TCF4: variants seen among roughly 807,000 people sequenced by gnomAD.
TCF4 encodes SL3-3 enhancer factor 2.
TCF4 carries 3 observed loss-of-function variants against 82.1 expected under a neutral mutation model. The ratio of observed to expected loss-of-function variants is 0.04; its 90% CI spans 0.02 to 0.09. The LOEUF (loss-of-function observed/expected upper bound fraction) is 0.09. TCF4 is among the 10% of genes least tolerant of loss of function. The pLI is 1.00. For missense variants in TCF4, 518 were observed against 852.7 expected (o/e 0.61, Z 4.89); for synonymous variants, 276 against 309.6 (o/e 0.89, Z 1.14).
chr18:55,470,646 C>T (rs908305791), intron 3 of TCF4, among the ~76,000 whole-genome samples: 8 of 152,110 alleles, frequency 5.3e-5, no homozygotes, highest in South Asian at 4.1e-4. Flanking sequence ...ATTGATTTGA[C>T]GTAGAGCTGT....
At chr18:55,565,572 C>T (rs1568413270) in intron 3 of TCF4, among the ~76,000 whole-genome samples, 3 of 152,050 alleles carry the variant, frequency 2.0e-5, no homozygotes, top group South Asian at 2.1e-4. Context: ...TCAATACCCA[C>T]CAGATGTGAA....
chr18:55,589,680 CTCA>C (rs957338606), upstream of TCF4: 17 of 1,036,398 alleles, frequency 1.6e-5, no homozygotes, highest in East Asian at 5.9e-5. Flanking sequence ...TTAGAGGTGT[CTCA>C]TCATCATCAT....
intron 8 of TCF4, among the ~76,000 whole-genome samples, chr18:55,323,539 G>A (rs893555443): frequency 6.6e-6 from 1 of 152,080 alleles, no homozygotes; most frequent in Non-Finnish European, 1.5e-5. Context: ...GCATTTATTC[G>A]GAAGGTCCCC....
At chr18:55,593,547 G>A (rs1197596997), upstream of TCF4, among the ~76,000 whole-genome samples, 2 of 152,110 alleles carry the variant, frequency 1.3e-5, no homozygotes, top group Non-Finnish European at 2.9e-5. Flanking sequence ...AGAATGTCAG[G>A]GCTCAAGTGG....
chr18:55,569,742 A>G (rs1272508531), intron 3 of TCF4, among the ~76,000 whole-genome samples: 6 of 152,194 alleles, frequency 3.9e-5, no homozygotes, highest in Non-Finnish European at 8.8e-5. Context: ...AAAAAATTAT[A>G]AAGAATTGTT....
At chr18:55,625,711 T>A (rs2097725913) in intron 2 of TCF4, among the ~76,000 whole-genome samples, 1 of 152,224 alleles carries the variant, frequency 6.6e-6, no homozygotes, top group African/African-American at 2.4e-5. Flanking sequence ...TGATATGAAG[T>A]CTTTTGTTTT....
intron 8 of TCF4, 103 bp from the exon 9 acceptor site, chr18:55,279,759 C>A: frequency 6.5e-7 from 1 of 1,542,620 alleles, no homozygotes; most frequent in Non-Finnish European, 8.8e-7. Flanking sequence ...CATTTCTACC[C>A]TTTCCAGTTT....
At position 55,588,107 on chromosome 18, in the gene TCF4, C is replaced by A; in HGVS notation, c.-90G>T. The A allele has an allele frequency of 9.7e-7, 1 of 1,027,398 alleles. No homozygotes were observed. The highest frequency in any genetic ancestry group is 1.7e-5 in the African/African-American group (1 of 58,078). 63.6% of individuals were successfully genotyped at this position (1,027,398 alleles called of 1,614,324 possible). A position where few individuals can be genotyped will look rare whatever the true frequency, so the allele number is the denominator to read the frequency against. On this transcript the variant is annotated 5_prime_UTR_variant, in exon 1 of 20. Transcript: ENST00000354452. ...GGCGGCGTTCATGTCTAACCGCCGC[C>A]GCCACCGCCGCCGCCTGCTCCTGCG...
At chr18:55,548,187 CAT>C (rs892151087) in intron 3 of TCF4, among the ~76,000 whole-genome samples, 2 of 152,228 alleles carry the variant, frequency 1.3e-5, no homozygotes, top group African/African-American at 4.8e-5. Context: ...TAATGATTAA[CAT>C]GTGGATTTAC....
chr18:55,334,113 T>C (rs939856991), intron 8 of TCF4, among the ~76,000 whole-genome samples: 1 of 152,180 alleles, frequency 6.6e-6, no homozygotes, highest in African/African-American at 2.4e-5. Flanking sequence ...TAACTAGTGT[T>C]ATTTGCATTC....
exon 1 of TCF4, chr18:55,635,791 T>A (rs2097735791): frequency 6.4e-7 from 1 of 1,551,812 alleles, no homozygotes; most frequent in Non-Finnish European, 8.7e-7. Context: ...AAATGATGGC[T>A]GGCTTTCAAC....
At chr18:55,310,702 T>C (rs2072087012) in intron 8 of TCF4, among the ~76,000 whole-genome samples, 1 of 152,226 alleles carries the variant, frequency 6.6e-6, no homozygotes, top group African/African-American at 2.4e-5. Flanking sequence ...AATTTTAATC[T>C]TTTCTTGATA....
chr18:55,334,660 T>C (rs1321080434), intron 8 of TCF4, among the ~76,000 whole-genome samples: 1 of 152,210 alleles, frequency 6.6e-6, no homozygotes, highest in East Asian at 1.9e-4. Context: ...ACCAGTAATT[T>C]GGGTTGTCAA....
intron 2 of TCF4, among the ~76,000 whole-genome samples, chr18:55,609,328 A>T (rs1332704093): frequency 6.6e-6 from 1 of 152,168 alleles, no homozygotes; most frequent in African/African-American, 2.4e-5. Flanking sequence ...TACGGGGGGC[A>T]GGTTTTTCAT....
At chr18:55,369,625 T>C (rs906818554) in intron 6 of TCF4, among the ~76,000 whole-genome samples, 3 of 152,362 alleles carry the variant, frequency 2.0e-5, no homozygotes, top group Non-Finnish European at 2.9e-5. Context: ...TGTGAATTCA[T>C]GCTGCCCTCA....
At chr18:55,399,783 A>G (rs759584272) in intron 6 of TCF4, among the ~76,000 whole-genome samples, 20 of 151,740 alleles carry the variant, frequency 1.3e-4, no homozygotes, top group Non-Finnish European at 2.9e-4. Context: ...GCACAGGCCC[A>G]GCTCACAAGA....
At chr18:55,252,382 A>G (rs143581847) in intron 15 of TCF4, among the ~76,000 whole-genome samples, 3,129 of 150,066 alleles carry the variant, frequency 0.021, 58 homozygotes, top group Non-Finnish European at 0.033. Flanking sequence ...GTGTGTGTGT[A>G]TATCAAGATC....
intron 10 of TCF4, 92 bp downstream of exon 10, chr18:55,275,527 T>C: frequency 1.3e-6 from 2 of 1,569,166 alleles, no homozygotes; most frequent in African/African-American, 2.7e-5. Context: ...TGCACTTATT[T>C]GCAGAGTCCT....
In TCF4 at chr18:55,461,065, C is replaced by T; in HGVS notation, c.258G>A (p.Gly86=). Residue 86 remains glycine, a synonymous_variant, in exon 5 of 20, where the codon GGG becomes GGA. Coordinates refer to ENST00000354452, the MANE Select transcript of TCF4 (RefSeq NM_001083962.2). ...AAGGTGGAGAGAGATTGTCATGTGA[C>T]CCAAGGTCCCTGCTGGTCATGTGGT... The part of the protein sequence containing the change: ...PYDHMTSRDL[G]SHDNLSPPFV... The T allele has an allele frequency of 6.2e-7, 1 of 1,613,358 alleles. No individual in the cohort carries two copies. The highest frequency in any genetic ancestry group is 8.5e-7 in the Non-Finnish European group (1 of 1,179,542).
Sources: gnomAD v4.1 joint callset for allele counts (sites outside exome capture counted in the v4.1 genomes callset) on GRCh38, gnomAD v4.1.1 for gene constraint, MANE v1.5 for transcripts, NCBI Gene and HGNC (gene_info 2026-07-23, HGNC 2026-07-21) for gene names.